The following OSBPL5 variants were observed in gnomAD, a reference collection of about 807,000 sequenced individuals.
OSBPL5 encodes oxysterol binding protein like 5, also known as oxysterol-binding protein-related protein 5.
A neutral mutation model predicts 111.2 loss-of-function variants in OSBPL5; 71 were observed. That is an observed-to-expected ratio of 0.64 (90% CI 0.53 to 0.78). OSBPL5 has a LOEUF of 0.78. OSBPL5 is among the 30% of genes least tolerant of loss of function. The pLI, the probability that OSBPL5 is intolerant of heterozygous loss-of-function variation, is 0.00. For synonymous variants in OSBPL5, 549 were observed against 513.9 expected (o/e 1.07, Z -0.93); for missense variants, 1,210 against 1,189.3 (o/e 1.02, Z -0.26).
At position 3,120,892 on chromosome 11, in the gene OSBPL5, C is replaced by T. The variant is rs924011547; in HGVS notation, c.403-268G>A. On this transcript the variant is annotated intron_variant, in intron 5 of 21. Coordinates refer to ENST00000263650, the MANE Select transcript of OSBPL5 (RefSeq NM_020896.4). The stretch of plus-strand genomic sequence containing the variant: ...TCAGAGTGGAACTCAGGGCAGGGTC[C>T]TTGTTCAGTTTTTAAAAGGAGCCCA... 2.0e-5 allele frequency among the ~76,000 whole-genome samples: 3 copies of T among 152,162 alleles called. No homozygotes were observed. In the East Asian group the frequency reaches 5.8e-4, roughly 29 times the overall value.
Position 3,092,797 on chromosome 11 carries a change from T to C in OSBPL5, c.2132+70A>G, listed in dbSNP as rs1857109016. On this transcript the variant is annotated intron_variant, in intron 18 of 21. Transcript: ENST00000263650. The surrounding 1 kb of genome is among the most constrained non-coding windows in gnomAD (Gnocchi z 5.4). ...AGGTGAGAGGGAAGCCAGGAGCCCC[T>C]GGGCCCTTCTCAGCCCGTCTGCTAG... 6 of 1,461,804 alleles carry C rather than the reference T, an allele frequency of 4.1e-6. No individual in the cohort carries two copies. Among genetic ancestry groups the C allele is most frequent in the Admixed American group, 4.9e-5 (2 of 40,856 alleles). The allele number at this position is 1,461,804 out of a possible 1,614,324, so 90.6% of individuals were successfully genotyped here. A position where few individuals can be genotyped will look rare whatever the true frequency, so the allele number is the denominator to read the frequency against.
chr11:3,102,861 T>C (rs77972325), intron 11 of OSBPL5, among the ~76,000 whole-genome samples: 3,190 of 152,254 alleles, frequency 0.021, 118 homozygotes, highest in African/African-American at 0.073. Flanking sequence ...GGGGTTTCCA[T>C]GGCTAAAAAT....
Position 3,105,554 on chromosome 11 carries a change from T to C in OSBPL5, c.1060-1177A>G, listed in dbSNP as rs560693896. On this transcript the variant is annotated intron_variant, in intron 9 of 21. Coordinates refer to ENST00000263650, the MANE Select transcript of OSBPL5 (RefSeq NM_020896.4). The surrounding 1 kb of genome is among the most constrained non-coding windows in gnomAD (Gnocchi z 5.2). The stretch of plus-strand genomic sequence containing the variant: ...TCCTTAACCCTCTCCACCAGGCTTC[T>C]GCCGTCTTCTCTACTGAGACTGTCT... Among the ~76,000 whole-genome samples, 3 of 152,288 alleles carry C rather than the reference T, an allele frequency of 2.0e-5. No homozygotes were observed. Among genetic ancestry groups the C allele is most frequent in the East Asian group, 3.9e-4 (2 of 5,172 alleles).
chr11:3,128,659 C>G (rs1319537251), intron 2 of OSBPL5, among the ~76,000 whole-genome samples: 3 of 152,146 alleles, frequency 2.0e-5, no homozygotes, highest in African/African-American at 7.2e-5. Context: ...AAGTAGCTGG[C>G]CTGGGGTTAC....
chr11:3,141,061 G>T lies in OSBPL5; in HGVS notation c.-21-11892C>A, dbSNP rs144510312. 2.6e-5 allele frequency among the ~76,000 whole-genome samples: 4 copies of T among 152,088 alleles called. No individual in the cohort carries two copies. The highest frequency in any genetic ancestry group is 9.7e-5 in the African/African-American group (4 of 41,364). The stretch of plus-strand genomic sequence containing the variant: ...TGGGTGGGGGTCAGCCCAATGCCTT[G>T]TACGAAGAGGCCCCCAAAACAGGAA... On this transcript the variant is annotated intron_variant, in intron 1 of 21. Transcript: ENST00000263650. The surrounding 1 kb of genome is among the most constrained non-coding windows in gnomAD (Gnocchi z 6.5).
chr11:3,162,591 C>CTT lies in OSBPL5; in HGVS notation c.-22+2624_-22+2625insAA, dbSNP rs1846998318. The stretch of plus-strand genomic sequence containing the variant: ...GTCCAAGTCCTTTGTACTCGACCGC[C>CTT]AACCCTACCACTCTCCGGAGCAGCT... On this transcript the variant is annotated intron_variant, in intron 1 of 21. Coordinates refer to ENST00000263650, the MANE Select transcript of OSBPL5 (RefSeq NM_020896.4). This position sits in a 1 kb window ranked among gnomAD's most constrained non-coding sequence, Gnocchi z 8.1. Among the ~76,000 whole-genome samples the CTT allele has an allele frequency of 6.6e-6, 1 of 151,974 alleles. No individual in the cohort carries two copies. The highest frequency in any genetic ancestry group is 2.4e-5 in the African/African-American group (1 of 41,358).
chr11:3,138,318 C>T (rs1265859940), intron 1 of OSBPL5, among the ~76,000 whole-genome samples: 3 of 152,218 alleles, frequency 2.0e-5, no homozygotes, highest in Non-Finnish European at 4.4e-5. Flanking sequence ...GCCCCACCAC[C>T]TCCCAGCTAG....
chr11:3,136,548 G>C (rs1316312378), intron 1 of OSBPL5, among the ~76,000 whole-genome samples: 1 of 152,232 alleles, frequency 6.6e-6, no homozygotes, highest in Non-Finnish European at 1.5e-5. Context: ...GGACCGCAGA[G>C]CTGGGGAAAA....
chr11:3,107,153 C>G lies in OSBPL5; in HGVS notation c.1059+110G>C. On this transcript the variant is annotated intron_variant, in intron 9 of 21. Coordinates refer to ENST00000263650, the MANE Select transcript of OSBPL5 (RefSeq NM_020896.4). The surrounding 1 kb of genome is among the most constrained non-coding windows in gnomAD (Gnocchi z 6.1). ...GCCAAGTGATGGGGACAAAAGCTAC[C>G]CCCTGGGCCCTGCGTGCTCCCCCTA... is the stretch of plus-strand genomic sequence containing the variant. The G allele has an allele frequency of 8.0e-7, 1 of 1,247,930 alleles. No individual in the cohort carries two copies. The highest frequency in any genetic ancestry group is 1.5e-5 in the South Asian group (1 of 68,198). 77.3% of individuals were successfully genotyped at this position (1,247,930 alleles called of 1,614,324 possible).
Position 3,113,095 on chromosome 11 carries a change from A to G in OSBPL5, c.692-5150T>C, listed in dbSNP as rs145895815. Among the ~76,000 whole-genome samples, 565 of 152,364 alleles carry G rather than the reference A, an allele frequency of 3.7e-3. 4 individuals are homozygous for G. The highest frequency in any genetic ancestry group is 0.013 in the African/African-American group (540 of 41,600). ...TCTAATTGATTGGCTTAAGAAAGTA[A>G]ATGCACTTGAATCAAATACTTGATC... On this transcript the variant is annotated intron_variant, in intron 7 of 21. Coordinates refer to ENST00000263650, the MANE Select transcript of OSBPL5 (RefSeq NM_020896.4). This position sits in a 1 kb window ranked among gnomAD's most constrained non-coding sequence, Gnocchi z 4.8.
Position 3,113,229 on chromosome 11 carries a change from T to C in OSBPL5, c.692-5284A>G, listed in dbSNP as rs751747990. Among the ~76,000 whole-genome samples the C allele has an allele frequency of 5.5e-4, 84 of 152,210 alleles. No homozygotes were observed. The highest frequency in any genetic ancestry group is 2.3e-3 in the Admixed American group (35 of 15,274). Reference sequence around the variant, plus strand: ...ATTATTGGTAAAGTAATATTAGAAATGTCTTAAGAATTGCCAGCATATATT... The same window carrying C: ...ATTATTGGTAAAGTAATATTAGAAACGTCTTAAGAATTGCCAGCATATATT... On this transcript the variant is annotated intron_variant, in intron 7 of 21. Transcript: ENST00000263650. The surrounding 1 kb of genome is among the most constrained non-coding windows in gnomAD (Gnocchi z 4.8).
chr11:3,094,146 CT>C, intron 15 of OSBPL5, 90 bp downstream of exon 15: 1 of 1,296,402 alleles, frequency 7.7e-7, no homozygotes, highest in Non-Finnish European at 1.1e-6. Context: ...CTTGGGGAAC[CT>C]TCCTTGGGGC....
At chr11:3,143,495 CA>C (rs1440123261) in intron 1 of OSBPL5, among the ~76,000 whole-genome samples, 1 of 152,206 alleles carries the variant, frequency 6.6e-6, no homozygotes, top group Non-Finnish European at 1.5e-5. Context: ...CACATCTGTG[CA>C]ACGGATGGAA....
intron 7 of OSBPL5, among the ~76,000 whole-genome samples, chr11:3,111,572 G>C (rs542944427): frequency 1.3e-5 from 2 of 152,218 alleles, no homozygotes; most frequent in South Asian, 4.1e-4. Flanking sequence ...TTCTGTTTTT[G>C]TTGTTTTGGT....
chr11:3,094,345 G>A lies in OSBPL5; in HGVS notation c.1622-11C>T. On this transcript the variant is annotated splice_polypyrimidine_tract_variant and intron_variant, in intron 14 of 21. Transcript: ENST00000263650. ...TGCCATACAGGATTCCTGAAATGCA[G>A]CCAGTGTCAGGGGCCAGGCGGCCCC... The A allele has an allele frequency of 6.2e-7, 1 of 1,611,210 alleles. No homozygotes were observed. The highest frequency in any genetic ancestry group is 1.1e-5 in the South Asian group (1 of 91,018).
At chr11:3,116,431 G>T (rs1319420250) in intron 7 of OSBPL5, among the ~76,000 whole-genome samples, 2 of 152,162 alleles carry the variant, frequency 1.3e-5, no homozygotes, top group African/African-American at 4.8e-5. Context: ...GCTCTTGAAT[G>T]CTGGTTTCTG....
In OSBPL5 at chr11:3,130,442, G is replaced by A. The variant is rs1198087816; in HGVS notation, c.-21-1273C>T. Reference sequence around the variant, plus strand: ...TCAGACACACAGAGACTTTCCTGCTGTGGCTTCAGGAGTGGGCTGGGGGCC... The same window carrying A: ...TCAGACACACAGAGACTTTCCTGCTATGGCTTCAGGAGTGGGCTGGGGGCC... On this transcript the variant is annotated intron_variant, in intron 1 of 21. Coordinates refer to ENST00000263650, the MANE Select transcript of OSBPL5 (RefSeq NM_020896.4). This position sits in a 1 kb window ranked among gnomAD's most constrained non-coding sequence, Gnocchi z 4.5. 6.6e-6 allele frequency among the ~76,000 whole-genome samples: 1 copy of A among 152,224 alleles called. No homozygotes were observed. Among genetic ancestry groups the A allele is most frequent in the East Asian group, 1.9e-4 (1 of 5,194 alleles).
Position 3,105,776 on chromosome 11 carries a change from G to A in OSBPL5, c.1060-1399C>T, listed in dbSNP as rs887682161. Among the ~76,000 whole-genome samples the A allele has an allele frequency of 6.6e-6, 1 of 152,148 alleles. No individual in the cohort carries two copies. Among genetic ancestry groups the A allele is most frequent in the Non-Finnish European group, 1.5e-5 (1 of 68,020 alleles). On this transcript the variant is annotated intron_variant, in intron 9 of 21. Transcript: ENST00000263650. The surrounding 1 kb of genome is among the most constrained non-coding windows in gnomAD (Gnocchi z 5.2). ...CGGGCCCCTTGGCTGCCCGCTCCAT[G>A]CCCTCTGCCCGGAGCCCCAGGCTCG...
rs895869215 is a variant in OSBPL5 at position 3,110,800 on chromosome 11, G to A, written c.692-2855C>T. 2.0e-5 allele frequency among the ~76,000 whole-genome samples: 3 copies of A among 151,948 alleles called. No individual in the cohort carries two copies. The highest frequency in any genetic ancestry group is 1.9e-4 in the East Asian group (1 of 5,172). On this transcript the variant is annotated intron_variant, in intron 7 of 21. Transcript: ENST00000263650. The surrounding 1 kb of genome is among the most constrained non-coding windows in gnomAD (Gnocchi z 5.3). ...GCCCCTCCCCGCTTGAAGTTGTCCC[G>A]CCTTTCCAGACCAAACCAATGTTCA... is the stretch of plus-strand genomic sequence containing the variant.
Sources: allele counts gnomAD v4.1 joint callset (sites outside exome capture counted in the v4.1 genomes callset), GRCh38; gene constraint gnomAD v4.1.1; non-coding constraint Gnocchi (gnomAD v3.1); transcripts MANE v1.5; gene names NCBI Gene and HGNC (gene_info 2026-07-23, HGNC 2026-07-21).